The following MCTP1 variants were observed in gnomAD, a reference collection of about 807,000 sequenced individuals.
MCTP1 encodes multiple C2 and transmembrane domain containing 1.
Under a neutral mutation model 120.6 loss-of-function variants are expected in MCTP1, and 69 were observed. The ratio of observed to expected loss-of-function variants is 0.57; its 90% CI spans 0.47 to 0.70. MCTP1 has a LOEUF of 0.70. Ranked by LOEUF, MCTP1 falls within the 30% of genes least tolerant of loss-of-function variation. The pLI, the probability that MCTP1 is intolerant of heterozygous loss-of-function variation, is 0.00. For synonymous variants in MCTP1, 529 were observed against 493.1 expected (o/e 1.07, Z -0.96); for missense variants, 1,203 against 1,248.8 (o/e 0.96, Z 0.55).
At chr5:95,067,073 A>T (rs1750845867) in intron 1 of MCTP1, among the ~76,000 whole-genome samples, 1 of 136,560 alleles carries the variant, frequency 7.3e-6, no homozygotes, top group Non-Finnish European at 1.5e-5. Flanking sequence ...TACCAATCCA[A>T]GGCCTGGGAT....
At position 95,139,971 on chromosome 5, in the gene MCTP1, T is replaced by G. The variant is rs578186671; in HGVS notation, c.721-122487A>C. On this transcript the variant is annotated intron_variant, in intron 1 of 22. Coordinates refer to ENST00000515393, the MANE Select transcript of MCTP1 (RefSeq NM_024717.7). ...AAATCATTAAATTTAAAAGTGTAGC[T>G]TAAAGAGAACTTGATGGTCTCCCTG... Among the ~76,000 whole-genome samples the G allele has an allele frequency of 2.0e-5, 3 of 152,332 alleles. No individual in the cohort carries two copies. In the South Asian group the frequency reaches 6.2e-4, roughly 32 times the overall value.
At chr5:95,242,357 T>C (rs1756262255) in intron 1 of MCTP1, among the ~76,000 whole-genome samples, 1 of 152,166 alleles carries the variant, frequency 6.6e-6, no homozygotes, top group Non-Finnish European at 1.5e-5. Flanking sequence ...TTGGCATCTT[T>C]TTAAAGGTCA....
intron 1 of MCTP1, among the ~76,000 whole-genome samples, chr5:95,242,841 A>T (rs1018374970): frequency 6.6e-6 from 1 of 152,242 alleles, no homozygotes; most frequent in Non-Finnish European, 1.5e-5. Flanking sequence ...ACATGGATGT[A>T]CACGTCACAA....
At chr5:95,106,573 A>G (rs1757104958) in intron 1 of MCTP1, among the ~76,000 whole-genome samples, 1 of 152,206 alleles carries the variant, frequency 6.6e-6, no homozygotes. Flanking sequence ...TGGTCATTCT[A>G]TCACCTGAAA....
intron 21 of MCTP1, chr5:94,709,231 G>C (rs910958019): frequency 2.0e-5 from 3 of 152,052 alleles, no homozygotes; most frequent in Non-Finnish European, 4.4e-5. Context: ...AGTTCATGCA[G>C]AATAAACTTC....
intron 19 of MCTP1, among the ~76,000 whole-genome samples, chr5:94,729,256 ACGCAGAAAGC>A (rs985684035): frequency 8.5e-5 from 13 of 152,224 alleles, no homozygotes; most frequent in Non-Finnish European, 1.3e-4. Flanking sequence ...GACATGAGCA[ACGCAGAAAGC>A]CACTAGCAGA....
intron 1 of MCTP1, among the ~76,000 whole-genome samples, chr5:95,192,508 C>T (rs2152534961): frequency 6.6e-6 from 1 of 152,064 alleles, no homozygotes; most frequent in East Asian, 1.9e-4. Flanking sequence ...TTTTATGGTG[C>T]ATATGTTACA....
At chr5:95,167,087 C>T (rs993592942) in intron 1 of MCTP1, among the ~76,000 whole-genome samples, 1 of 152,106 alleles carries the variant, frequency 6.6e-6, no homozygotes, top group African/African-American at 2.4e-5. Flanking sequence ...CTATGACAGG[C>T]CCCAGTGTGT....
chr5:94,964,975 G>T (rs1825234119), intron 2 of MCTP1, among the ~76,000 whole-genome samples: 1 of 152,066 alleles, frequency 6.6e-6, no homozygotes, highest in African/African-American at 2.4e-5. Flanking sequence ...AAATGATTAT[G>T]CACCACCATT....
chr5:94,986,991 C>T (rs1321328201), intron 2 of MCTP1, among the ~76,000 whole-genome samples: 1 of 152,128 alleles, frequency 6.6e-6, no homozygotes, highest in Non-Finnish European at 1.5e-5. Context: ...TTCAAATCAT[C>T]TCTAGATTAC....
At chr5:95,004,587 T>C (rs552293078) in intron 2 of MCTP1, among the ~76,000 whole-genome samples, 2 of 152,344 alleles carry the variant, frequency 1.3e-5, no homozygotes, top group South Asian at 2.1e-4. Context: ...CCCTGCGTCC[T>C]AGCTGCTCCA....
intron 17 of MCTP1, among the ~76,000 whole-genome samples, chr5:94,834,815 T>C (rs1011785829): frequency 1.4e-4 from 2 of 14,718 alleles, no homozygotes; most frequent in Non-Finnish European, 2.8e-4. Context: ...ATTCTCTCTT[T>C]TTTTTTTTTT....
chr5:94,916,532 T>C (rs752340795), intron 8 of MCTP1, among the ~76,000 whole-genome samples: 3 of 152,198 alleles, frequency 2.0e-5, no homozygotes, highest in Non-Finnish European at 4.4e-5. Flanking sequence ...TTATTACTTT[T>C]ACTTATTTTC....
chr5:95,256,932 T>G (rs1381671647), intron 1 of MCTP1, among the ~76,000 whole-genome samples: 1 of 152,222 alleles, frequency 6.6e-6, no homozygotes, highest in African/African-American at 2.4e-5. Flanking sequence ...ATTCTATTCA[T>G]GACATGGGAT....
chr5:95,011,050 CTG>C (rs1244738905), intron 2 of MCTP1, among the ~76,000 whole-genome samples: 1 of 152,134 alleles, frequency 6.6e-6, no homozygotes, highest in Non-Finnish European at 1.5e-5. Context: ...TTCGTGATGT[CTG>C]CATGTCTTCT....
chr5:94,854,452 G>A (rs1178190639), intron 17 of MCTP1, among the ~76,000 whole-genome samples: 1 of 151,820 alleles, frequency 6.6e-6, no homozygotes, highest in Non-Finnish European at 1.5e-5. Context: ...TTACAACCAA[G>A]TTTTTAATAG....
intron 2 of MCTP1, among the ~76,000 whole-genome samples, chr5:94,954,182 G>A (rs890509844): frequency 1.1e-4 from 6 of 56,614 alleles, no homozygotes; most frequent in Admixed American, 7.6e-4. Flanking sequence ...ATATATATAT[G>A]CATATATATA....
intron 16 of MCTP1, among the ~76,000 whole-genome samples, chr5:94,869,201 C>T (rs1013598800): frequency 8.6e-5 from 13 of 151,936 alleles, no homozygotes; most frequent in African/African-American, 1.2e-4. Flanking sequence ...TTTGATGGTT[C>T]GAAAAATTAC....
At chr5:94,723,981 G>A (rs1455852917) in intron 19 of MCTP1, among the ~76,000 whole-genome samples, 3 of 152,076 alleles carry the variant, frequency 2.0e-5, no homozygotes, top group Non-Finnish European at 4.4e-5. Context: ...TCTAACGGAT[G>A]GAAGAAGATG....
Sources: allele counts gnomAD v4.1 joint callset (sites outside exome capture counted in the v4.1 genomes callset), GRCh38; gene constraint gnomAD v4.1.1; transcripts MANE v1.5; gene names NCBI Gene and HGNC (gene_info 2026-07-23, HGNC 2026-07-21).